LEF1: variants seen among roughly 807,000 people sequenced by gnomAD.
LEF1 encodes the protein lymphoid enhancer-binding factor 1.
A neutral mutation model predicts 51.2 loss-of-function variants in LEF1; 14 were observed. The observed-to-expected ratio is 0.27, with a 90% CI of 0.18 to 0.43. LEF1 has a LOEUF of 0.43. Ranked by LOEUF, LEF1 falls within the 20% of genes least tolerant of loss-of-function variation. LEF1 has a pLI of 1.00. For missense variants in LEF1, 386 were observed against 512.0 expected (o/e 0.75, Z 2.37); for synonymous variants, 185 against 183.2 (o/e 1.01, Z -0.08).
At chr4:108,166,157 G>T in intron 1 of LEF1, 1 of 965,358 alleles carries the variant, frequency 1.0e-6, no homozygotes, top group South Asian at 2.0e-5. Context: ...TCTTTTACGC[G>T]GGGTTAGGTG....
At chr4:108,083,094 A>T (rs1739420036) in intron 5 of LEF1, 1 of 464,696 alleles carries the variant, frequency 2.2e-6, no homozygotes, top group South Asian at 2.3e-5. Flanking sequence ...CCAAAGCCAC[A>T]AAGGGAATCC....
intron 11 of LEF1, among the ~76,000 whole-genome samples, chr4:108,053,047 A>T (rs1737105430): frequency 2.0e-5 from 3 of 152,136 alleles, no homozygotes; most frequent in Admixed American, 2.0e-4. Context: ...CCTTGGAACT[A>T]AATTATCATT....
chr4:108,079,478 G>T lies in LEF1; in HGVS notation c.845+14C>A, dbSNP rs372432542. 1 of 1,613,886 alleles carries T rather than the reference G, an allele frequency of 6.2e-7. No homozygotes were observed. The highest frequency in any genetic ancestry group is 8.5e-7 in the Non-Finnish European group (1 of 1,179,852). ...TCCTAAGGCAATCACAGCAGAGCCC[G>T]GGTGGATACTTACACGTGCATTAGG... On this transcript the variant is annotated intron_variant, in intron 7 of 11. Coordinates refer to ENST00000265165, the MANE Select transcript of LEF1 (RefSeq NM_016269.5).
chr4:108,058,014 C>T (rs932709251), intron 11 of LEF1, among the ~76,000 whole-genome samples: 2 of 152,034 alleles, frequency 1.3e-5, no homozygotes, highest in African/African-American at 4.8e-5. Flanking sequence ...GCTGGGATTA[C>T]AGGCGCCTGC....
chr4:108,122,199 T>C (rs72660430), intron 3 of LEF1, among the ~76,000 whole-genome samples: 5 of 152,196 alleles, frequency 3.3e-5, no homozygotes, highest in Non-Finnish European at 7.3e-5. Flanking sequence ...TAGAGATAAG[T>C]TGAAATCTCT....
intron 3 of LEF1, among the ~76,000 whole-genome samples, chr4:108,096,329 G>A (rs1740390900): frequency 6.6e-6 from 1 of 152,192 alleles, no homozygotes; most frequent in African/African-American, 2.4e-5. Flanking sequence ...CTGTAGTGGT[G>A]CAAGGATTCT....
chr4:108,049,678 T>C (rs751808861), intron 11 of LEF1, among the ~76,000 whole-genome samples: 1 of 152,256 alleles, frequency 6.6e-6, no homozygotes, highest in Non-Finnish European at 1.5e-5. Flanking sequence ...CAACACTTTG[T>C]GCTTGTGATT....
At chr4:108,166,426 G>C (rs1162300753) in intron 1 of LEF1, 1 of 1,417,462 alleles carries the variant, frequency 7.1e-7, no homozygotes, top group Non-Finnish European at 9.2e-7. Context: ...AGTTTCTTTG[G>C]AGGGAAAAGG....
chr4:108,081,582 C>T lies in LEF1; in HGVS notation c.722+4G>A. ...CGAGCGCCCCAGTTTCCACCTCCAC[C>T]TACCTGGACATGGAAGTGTCGACTG... is the stretch of plus-strand genomic sequence containing the variant. On this transcript the variant is annotated splice_donor_region_variant and intron_variant, in intron 6 of 11. Transcript: ENST00000265165. 1 of 1,612,792 alleles carries T rather than the reference C, an allele frequency of 6.2e-7. No individual in the cohort carries two copies. The highest frequency in any genetic ancestry group is 8.5e-7 in the Non-Finnish European group (1 of 1,178,858).
rs1483451407 is a variant in LEF1 at position 108,105,167 on chromosome 4, G to T, written c.415-15910C>A. Reference sequence around the variant, plus strand: ...CACTGCTTTTTTTAAACTTAAAATTGCATGAAGAATCCACTTTTTTTTTTT... The same window carrying T: ...CACTGCTTTTTTTAAACTTAAAATTTCATGAAGAATCCACTTTTTTTTTTT... On this transcript the variant is annotated intron_variant, in intron 3 of 11. Coordinates refer to ENST00000265165, the MANE Select transcript of LEF1 (RefSeq NM_016269.5). 2.7e-5 allele frequency among the ~76,000 whole-genome samples: 4 copies of T among 148,664 alleles called. No homozygotes were observed. The South Asian group carries it at 6.4e-4, about 24-fold the overall frequency.
intron 1 of LEF1, chr4:108,165,372 G>A (rs1213162086): frequency 3.9e-6 from 2 of 512,300 alleles, no homozygotes; most frequent in Non-Finnish European, 6.9e-6. Flanking sequence ...ATCCACCCGG[G>A]ACCAAAAACG....
rs1745536128 is a variant in LEF1 at position 108,168,130 on chromosome 4, C to G, written c.-363G>C. ...GCGGCCACCCCGCGACCCCGCGTCG[C>G]CGGGATTTGCGCGCGGAGAACGCCG... On this transcript the variant is annotated 5_prime_UTR_variant, in exon 1 of 12. Transcript: ENST00000265165. This position sits in a 1 kb window ranked among gnomAD's most constrained non-coding sequence, Gnocchi z 4.6. 6.6e-6 allele frequency: 1 copy of G among 152,664 alleles called. No homozygotes were observed. The highest frequency in any genetic ancestry group is 2.4e-5 in the African/African-American group (1 of 41,462). 9.5% of individuals were successfully genotyped at this position (152,664 alleles called of 1,614,324 possible).
In LEF1 at chr4:108,099,500, G is replaced by GTA. The variant is rs752528954; in HGVS notation, c.415-10245_415-10244dup. ...GAGAGTCAAGTCTATACACATGTAT[G>GTA]TATATATATATGTGTATGTATATAT... On this transcript the variant is annotated intron_variant, in intron 3 of 11. Transcript: ENST00000265165. 3.3e-3 allele frequency among the ~76,000 whole-genome samples: 447 copies of GTA among 137,262 alleles called. 9 individuals are homozygous for GTA. The highest frequency in any genetic ancestry group is 8.8e-3 in the African/African-American group (331 of 37,406). The allele number at this position is 137,262 out of a possible 152,430, so 90.0% of individuals were successfully genotyped here. A position where few individuals can be genotyped will look rare whatever the true frequency, so the allele number is the denominator to read the frequency against.
intron 3 of LEF1, among the ~76,000 whole-genome samples, chr4:108,104,901 T>C (rs1741056648): frequency 6.6e-6 from 1 of 152,022 alleles, no homozygotes; most frequent in African/African-American, 2.4e-5. Context: ...CAGAGGACAA[T>C]TAGGGAATGT....
intron 3 of LEF1, among the ~76,000 whole-genome samples, chr4:108,130,369 C>A (rs1032406092): frequency 2.0e-5 from 3 of 152,086 alleles, no homozygotes; most frequent in Non-Finnish European, 4.4e-5. Context: ...ACTTGCCAGT[C>A]CTATGATGCT....
intron 11 of LEF1, among the ~76,000 whole-genome samples, chr4:108,049,580 T>G (rs956872078): frequency 1.3e-5 from 2 of 152,218 alleles, no homozygotes; most frequent in African/African-American, 4.8e-5. Context: ...TCCGCTGCTT[T>G]GAACTTGGGG....
chr4:108,101,298 G>A (rs1205471819), intron 3 of LEF1, among the ~76,000 whole-genome samples: 2 of 152,204 alleles, frequency 1.3e-5, no homozygotes, highest in Non-Finnish European at 2.9e-5. Context: ...CTTTCGACAT[G>A]AGGCAGTGTA....
chr4:108,105,428 G>A (rs543520253), intron 3 of LEF1, among the ~76,000 whole-genome samples: 52 of 152,072 alleles, frequency 3.4e-4, no homozygotes, highest in African/African-American at 1.1e-3. Flanking sequence ...TGATCTGCCC[G>A]CCTCAGCCTC....
chr4:108,062,828 G>A (rs1222392215), intron 11 of LEF1, among the ~76,000 whole-genome samples: 1 of 152,144 alleles, frequency 6.6e-6, no homozygotes, highest in Non-Finnish European at 1.5e-5. Flanking sequence ...CTGGATGTGG[G>A]TTCTTAGAGA....
Sources: allele counts gnomAD v4.1 joint callset (sites outside exome capture counted in the v4.1 genomes callset), GRCh38; gene constraint gnomAD v4.1.1; non-coding constraint Gnocchi (gnomAD v3.1); transcripts MANE v1.5; gene names NCBI Gene and HGNC (gene_info 2026-07-23, HGNC 2026-07-21).